The following RNF212 variants were observed in gnomAD, a reference collection of about 807,000 sequenced individuals.
RNF212 encodes probable E3 SUMO-protein ligase RNF212.
A neutral mutation model predicts 34.7 loss-of-function variants in RNF212; 33 were observed. The ratio of observed to expected loss-of-function variants is 0.95; its 90% CI spans 0.72 to 1.27. RNF212 has a LOEUF of 1.27. Among genes scored for constraint, RNF212 ranks in the 50% most tolerant of loss-of-function variants. RNF212 has a pLI of 0.00. For missense variants in RNF212, 377 were observed against 362.2 expected (o/e 1.04, Z -0.33); for synonymous variants, 140 against 136.1 (o/e 1.03, Z -0.20).
At chr4:1,084,159 C>T (rs992603597) in intron 5 of RNF212, among the ~76,000 whole-genome samples, 3 of 152,098 alleles carry the variant, frequency 2.0e-5, no homozygotes, top group African/African-American at 7.2e-5. Context: ...CCATGCTGGT[C>T]AGGTTGGTCT....
At chr4:1,083,836 A>G (rs1720747195) in intron 5 of RNF212, among the ~76,000 whole-genome samples, 1 of 152,182 alleles carries the variant, frequency 6.6e-6, no homozygotes, top group South Asian at 2.1e-4. Flanking sequence ...CTACTTGAAA[A>G]GATAATGGGC....
intron 2 of RNF212, among the ~76,000 whole-genome samples, chr4:1,101,794 C>T (rs192796116): frequency 6.6e-6 from 1 of 152,292 alleles, no homozygotes; most frequent in African/African-American, 2.4e-5. Context: ...TCTGTACATA[C>T]ACCTAAGAAA....
At chr4:1,064,474 A>G (rs1024892963) in intron 3 of RNF212, among the ~76,000 whole-genome samples, 2 of 152,210 alleles carry the variant, frequency 1.3e-5, no homozygotes, top group African/African-American at 2.4e-5. Flanking sequence ...CTTACACAAC[A>G]GAAGTTTATT....
chr4:1,102,970 G>A (rs940095999), intron 2 of RNF212, among the ~76,000 whole-genome samples: 9 of 139,654 alleles, frequency 6.4e-5, no homozygotes, highest in African/African-American at 1.8e-4. Context: ...TGAAACCCCC[G>A]TCTCTACTAA....
chr4:1,109,631 C>T (rs1204951989), intron 1 of RNF212, among the ~76,000 whole-genome samples: 2 of 152,140 alleles, frequency 1.3e-5, no homozygotes, highest in African/African-American at 4.8e-5. Flanking sequence ...GTATTTTCTG[C>T]CCCATTCCCC....
At chr4:1,079,114 T>C (rs1377860688) in intron 8 of RNF212, among the ~76,000 whole-genome samples, 3 of 129,706 alleles carry the variant, frequency 2.3e-5, no homozygotes, top group African/African-American at 6.1e-5. Context: ...CAACACAGGG[T>C]CAACACAGGA....
intron 2 of RNF212, among the ~76,000 whole-genome samples, chr4:1,108,030 A>G (rs1051268037): frequency 2.0e-5 from 3 of 152,226 alleles, no homozygotes; most frequent in Non-Finnish European, 4.4e-5. Flanking sequence ...TATGACCCCT[A>G]TACAAATCCA....
chr4:1,096,895 C>T, intron 2 of RNF212, 56 bp from the exon 3 acceptor site: 4 of 1,342,230 alleles, frequency 3.0e-6, no homozygotes, highest in Non-Finnish European at 3.2e-6. Flanking sequence ...GCTTCTGGCC[C>T]CCAGTTAAAA....
At chr4:1,079,603 T>C in intron 8 of RNF212, 40 bp downstream of exon 8, 1 of 1,390,272 alleles carries the variant, frequency 7.2e-7, no homozygotes, top group Non-Finnish European at 1.0e-6. Flanking sequence ...ATGCCACACG[T>C]CTGGTATACA....
At chr4:1,102,022 A>G (rs1369504477) in intron 2 of RNF212, among the ~76,000 whole-genome samples, 3 of 152,212 alleles carry the variant, frequency 2.0e-5, no homozygotes, top group Non-Finnish European at 4.4e-5. Context: ...TCAAAATTCA[A>G]AGATAAAAAT....
chr4:1,092,732 C>T (rs1330250097), intron 3 of RNF212, among the ~76,000 whole-genome samples: 1 of 152,214 alleles, frequency 6.6e-6, no homozygotes, highest in Non-Finnish European at 1.5e-5. Context: ...CCAGGTCAGC[C>T]CAGGGCCCCA....
intron 9 of RNF212, 115 bp from the exon 10 acceptor site, chr4:1,073,308 C>T: frequency 2.9e-6 from 4 of 1,390,428 alleles, no homozygotes; most frequent in Non-Finnish European, 3.8e-6. Flanking sequence ...AATTCAAAGC[C>T]AATTACCAGG....
intron 3 of RNF212, among the ~76,000 whole-genome samples, chr4:1,064,535 G>T (rs1414352289): frequency 1.6e-4 from 24 of 152,156 alleles, no homozygotes; most frequent in Admixed American, 1.6e-3. Flanking sequence ...GCTGATGGGG[G>T]TCCTGGCTTG....
At chr4:1,112,411 G>C (rs1437716932) in intron 1 of RNF212, among the ~76,000 whole-genome samples, 4 of 152,102 alleles carry the variant, frequency 2.6e-5, no homozygotes, top group Admixed American at 6.5e-5. Context: ...CTGCTTTCAC[G>C]GGGAAGTTCG....
intron 5 of RNF212, among the ~76,000 whole-genome samples, chr4:1,082,504 C>T (rs1720514442): frequency 2.6e-5 from 4 of 152,218 alleles, no homozygotes; most frequent in African/African-American, 9.7e-5. Context: ...CTGCCCTCAG[C>T]AGTTTCAGTT....
In RNF212 at chr4:1,072,075, T is replaced by C. The variant is rs1327176884; in HGVS notation, c.*799A>G. The C allele has an allele frequency of 6.6e-6, 1 of 152,214 alleles. No homozygotes were observed. The highest frequency in any genetic ancestry group is 1.5e-5 in the Non-Finnish European group (1 of 68,034). 9.4% of individuals were successfully genotyped at this position (152,214 alleles called of 1,614,324 possible). A position where few individuals can be genotyped will look rare whatever the true frequency, so the allele number is the denominator to read the frequency against. ...GATACATCCAGATAATGGAATATTATTCAGTGACTGAAAAAATGAGCTAGC... is the reference window on the plus strand; with the variant it reads ...GATACATCCAGATAATGGAATATTACTCAGTGACTGAAAAAATGAGCTAGC... On this transcript the variant is annotated 3_prime_UTR_variant, in exon 10 of 10. Coordinates refer to ENST00000433731, the MANE Select transcript of RNF212 (RefSeq NM_001131034.4).
intron 3 of RNF212, among the ~76,000 whole-genome samples, chr4:1,061,484 G>A (rs542976636): frequency 2.6e-5 from 4 of 152,350 alleles, no homozygotes; most frequent in Non-Finnish European, 4.4e-5. Flanking sequence ...AACCCTGGCC[G>A]ACAGAAGCAG....
chr4:1,104,063 T>C (rs1054471477), intron 2 of RNF212, among the ~76,000 whole-genome samples: 2 of 152,270 alleles, frequency 1.3e-5, no homozygotes, highest in South Asian at 2.1e-4. Flanking sequence ...TGCATTTTTA[T>C]ATACTAGCAA....
downstream of RNF212, among the ~76,000 whole-genome samples, chr4:1,070,786 T>C (rs1169841338): frequency 6.6e-6 from 1 of 152,208 alleles, no homozygotes; most frequent in African/African-American, 2.4e-5. Flanking sequence ...ACATGCTCAG[T>C]GGTTCAGAGA....
Sources: allele counts gnomAD v4.1 joint callset (sites outside exome capture counted in the v4.1 genomes callset), GRCh38; gene constraint gnomAD v4.1.1; transcripts MANE v1.5; gene names NCBI Gene and HGNC (gene_info 2026-07-23, HGNC 2026-07-21).